Variants in PDE1A observed in about 807,000 individuals in gnomAD.
PDE1A encodes the protein phosphodiesterase 1A.
In PDE1A, 35 loss-of-function variants were observed where a neutral mutation model predicts 61.7. The ratio of observed to expected loss-of-function variants is 0.57; its 90% CI spans 0.43 to 0.75. The LOEUF (loss-of-function observed/expected upper bound fraction) is 0.75, where lower values mean the gene tolerates loss of function less well. PDE1A is among the 30% of genes least tolerant of loss of function. The probability of loss-of-function intolerance (pLI) is 0.00; values close to 1 mark genes in which losing one functional copy is unlikely to be tolerated. For synonymous variants in PDE1A, 232 were observed against 213.2 expected (o/e 1.09, Z -0.77); for missense variants, 597 against 630.6 (o/e 0.95, Z 0.57).
At chr2:182,561,107 T>C in the PDE1A span, among the ~76,000 whole-genome samples, 1 of 146,598 alleles carries the variant, frequency 6.8e-6, no homozygotes, top group African/African-American at 2.5e-5. Flanking sequence ...TTGCTTTTGG[T>C]GTTTTAGACA....
At chr2:182,565,338 G>C in the PDE1A span, among the ~76,000 whole-genome samples, 1 of 152,112 alleles carries the variant, frequency 6.6e-6, no homozygotes. Flanking sequence ...TGTTTGCCTG[G>C]GTACCAGCAG....
chr2:182,174,207 C>A (rs1991765), intron 13 of PDE1A, among the ~76,000 whole-genome samples: 20 of 151,860 alleles, frequency 1.3e-4, no homozygotes, highest in African/African-American at 4.8e-4. Flanking sequence ...GTCCTAAAGG[C>A]GATTTGAAAA....
the PDE1A span, among the ~76,000 whole-genome samples, chr2:182,695,557 C>T: frequency 6.6e-6 from 1 of 151,200 alleles, no homozygotes; most frequent in East Asian, 1.9e-4. Flanking sequence ...GTCCCAGCTA[C>T]TTGGGAGGCT....
intron 2 of PDE1A, among the ~76,000 whole-genome samples, chr2:182,499,030 C>T (rs923345235): frequency 5.9e-4 from 90 of 151,986 alleles, no homozygotes; most frequent in African/African-American, 2.1e-3. Flanking sequence ...CTCTGTCACC[C>T]AGGCTGGAGT....
At chr2:182,687,075 C>T in the PDE1A span, among the ~76,000 whole-genome samples, 1 of 152,342 alleles carries the variant, frequency 6.6e-6, no homozygotes, top group South Asian at 2.1e-4. Flanking sequence ...CTCAAGGAGG[C>T]CTGCCTGCCT....
At chr2:182,681,846 C>T in the PDE1A span, among the ~76,000 whole-genome samples, 4 of 151,794 alleles carry the variant, frequency 2.6e-5, no homozygotes, top group Non-Finnish European at 4.4e-5. Flanking sequence ...TGGGGTTTCA[C>T]CGTGTTAGCC....
the PDE1A span, among the ~76,000 whole-genome samples, chr2:182,640,255 G>A: frequency 4.6e-5 from 7 of 152,280 alleles, no homozygotes; most frequent in East Asian, 5.8e-4. Flanking sequence ...TTACGCAAGC[G>A]AAGTCAGGAA....
chr2:182,271,552 G>A (rs898566517), intron 1 of PDE1A, among the ~76,000 whole-genome samples: 5 of 152,034 alleles, frequency 3.3e-5, no homozygotes, highest in Non-Finnish European at 5.9e-5. Context: ...AGAGTTCCTC[G>A]TAAGTACAGA....
intron 1 of PDE1A, among the ~76,000 whole-genome samples, chr2:182,380,115 T>TTG (rs1420612810): frequency 1.4e-5 from 2 of 144,684 alleles, no homozygotes; most frequent in East Asian, 4.1e-4. Flanking sequence ...TCTTTTTTTT[T>TTG]TTTTTTTTTT....
intron 7 of PDE1A, among the ~76,000 whole-genome samples, chr2:182,221,383 A>G (rs541603593): frequency 5.1e-4 from 77 of 152,200 alleles, no homozygotes; most frequent in African/African-American, 1.8e-3. Flanking sequence ...TTTAATTAAA[A>G]TCCTCCACAT....
At chr2:182,343,068 GGA>G (rs1559357132) in intron 1 of PDE1A, among the ~76,000 whole-genome samples, 2 of 152,176 alleles carry the variant, frequency 1.3e-5, no homozygotes, top group Non-Finnish European at 2.9e-5. Flanking sequence ...ACTATGGAGT[GGA>G]TACATTGTCT....
chr2:182,716,211 C>G, the PDE1A span: 2 of 152,398 alleles, frequency 1.3e-5, no homozygotes, highest in African/African-American at 4.8e-5. Context: ...TCTCCCCAGG[C>G]AGCGTCCTCC....
At chr2:182,248,741 G>T (rs1242413142) in intron 2 of PDE1A, among the ~76,000 whole-genome samples, 1 of 152,050 alleles carries the variant, frequency 6.6e-6, no homozygotes, top group East Asian at 1.9e-4. Flanking sequence ...GTTATTTCTG[G>T]GCAATTGGTA....
At chr2:182,180,448 G>T (rs1172255830) in intron 13 of PDE1A, among the ~76,000 whole-genome samples, 1 of 152,144 alleles carries the variant, frequency 6.6e-6, no homozygotes, top group African/African-American at 2.4e-5. Flanking sequence ...TCTGCTGAGA[G>T]ATCTGCTGTT....
the PDE1A span, among the ~76,000 whole-genome samples, chr2:182,528,274 T>A: frequency 2.0e-5 from 3 of 152,140 alleles, no homozygotes; most frequent in African/African-American, 7.2e-5. Flanking sequence ...GATGAGGAAC[T>A]TGTTCGGAAC....
chr2:182,292,956 A>T (rs1244046876), intron 1 of PDE1A, among the ~76,000 whole-genome samples: 1 of 152,126 alleles, frequency 6.6e-6, no homozygotes, highest in East Asian at 1.9e-4. Flanking sequence ...AGTATATCAT[A>T]CATAAAAAGT....
chr2:182,230,619 G>A (rs1371952268), intron 5 of PDE1A, among the ~76,000 whole-genome samples: 1 of 152,106 alleles, frequency 6.6e-6, no homozygotes, highest in Non-Finnish European at 1.5e-5. Context: ...TGCTTGGATG[G>A]TTCTAAATGA....
At chr2:182,529,928 C>G in the PDE1A span, among the ~76,000 whole-genome samples, 2 of 152,128 alleles carry the variant, frequency 1.3e-5, no homozygotes, top group Non-Finnish European at 2.9e-5. Context: ...CTCGGTATGT[C>G]TTTATCAGCA....
At chr2:182,143,494 T>C (rs543175256), downstream of PDE1A, among the ~76,000 whole-genome samples, 95 of 152,050 alleles carry the variant, frequency 6.2e-4, no homozygotes, top group African/African-American at 2.1e-3. Flanking sequence ...TTTTAAAAAA[T>C]TTTAATTAAT....
Sources: gnomAD v4.1 joint callset for allele counts (sites outside exome capture counted in the v4.1 genomes callset) on GRCh38, gnomAD v4.1.1 for gene constraint, MANE v1.5 for transcripts, NCBI Gene and HGNC (gene_info 2026-07-23, HGNC 2026-07-21) for gene names.